The following SLC25A13 variants were observed in gnomAD, a reference collection of about 807,000 sequenced individuals.
The protein encoded by SLC25A13 is electrogenic aspartate/glutamate antiporter SLC25A13, mitochondrial.
In SLC25A13, 70 loss-of-function variants were observed where a neutral mutation model predicts 85.5. That is an observed-to-expected ratio of 0.82 (90% CI 0.68 to 1.00). SLC25A13 has a LOEUF of 1.00. Ranked by LOEUF, SLC25A13 falls within the 50% of genes least tolerant of loss-of-function variation. SLC25A13 has a pLI of 0.00. For missense variants in SLC25A13, 765 were observed against 819.8 expected, an observed-to-expected ratio of 0.93 and a Z score of 0.82; for synonymous variants, 259 against 288.7, an observed-to-expected ratio of 0.90 and a Z score of 1.04.
chr7:96,201,510 T>A (rs796343438), intron 5 of SLC25A13, among the ~76,000 whole-genome samples: 1,515 of 25,124 alleles, frequency 0.06, 30 homozygotes, highest in African/African-American at 0.13. Context: ...AGACTCTGTC[T>A]CAAAAAAAAA....
At chr7:96,144,169 G>A (rs1394961135) in intron 14 of SLC25A13, among the ~76,000 whole-genome samples, 1 of 152,184 alleles carries the variant, frequency 6.6e-6, no homozygotes, top group Non-Finnish European at 1.5e-5. Context: ...CCACGTAAAG[G>A]TGAAGTGGGG....
intron 1 of SLC25A13, among the ~76,000 whole-genome samples, chr7:96,308,606 T>G (rs1400815274): frequency 6.6e-6 from 1 of 152,158 alleles, no homozygotes; most frequent in Non-Finnish European, 1.5e-5. Context: ...CAAAAAGTAC[T>G]AGAAAAACGC....
chr7:96,177,066 G>A (rs1794250016), intron 11 of SLC25A13, among the ~76,000 whole-genome samples: 1 of 152,128 alleles, frequency 6.6e-6, no homozygotes, highest in African/African-American at 2.4e-5. Flanking sequence ...TACCTCATAT[G>A]TTATGTATTC....
chr7:96,139,442 G>A (rs188280970), intron 14 of SLC25A13, among the ~76,000 whole-genome samples: 1 of 151,892 alleles, frequency 6.6e-6, no homozygotes, highest in African/African-American at 2.4e-5. Context: ...AGAGATTATG[G>A]ACATTACATG....
Position 96,120,678 on chromosome 7 carries a change from C to A in SLC25A13, c.*513G>T, listed in dbSNP as rs1172031369. Reference sequence around the variant, plus strand: ...TCACATAAAAGCTTCATAATATAATCCAGAGACAGAATTTGTGCATGCTTA... The same window carrying A: ...TCACATAAAAGCTTCATAATATAATACAGAGACAGAATTTGTGCATGCTTA... On this transcript the variant is annotated 3_prime_UTR_variant, in exon 18 of 18. Transcript: ENST00000265631. The A allele has an allele frequency of 1.5e-5, 7 of 454,478 alleles. No homozygotes were observed. The highest frequency in any genetic ancestry group is 1.1e-4 in the South Asian group (7 of 64,438). The allele number at this position is 454,478 out of a possible 1,614,324, so 28.2% of individuals were successfully genotyped here. A position where few individuals can be genotyped will look rare whatever the true frequency, so the allele number is the denominator to read the frequency against.
At chr7:96,213,729 A>C (rs1384179413) in intron 4 of SLC25A13, among the ~76,000 whole-genome samples, 1 of 152,204 alleles carries the variant, frequency 6.6e-6, no homozygotes, top group African/African-American at 2.4e-5. Context: ...TGTAAAAATA[A>C]TTAGAATTAG....
chr7:96,305,696 C>A (rs1329855313), intron 1 of SLC25A13, among the ~76,000 whole-genome samples: 1 of 152,152 alleles, frequency 6.6e-6, no homozygotes, highest in African/African-American at 2.4e-5. Context: ...TAGGAGATCA[C>A]AAGTTGCTGA....
intron 2 of SLC25A13, among the ~76,000 whole-genome samples, chr7:96,279,683 C>G (rs186459176): frequency 6.6e-6 from 1 of 152,262 alleles, no homozygotes; most frequent in East Asian, 1.9e-4. Flanking sequence ...CACAGCCAAG[C>G]CATATCACCA....
chr7:96,121,657 TC>T lies in SLC25A13; in HGVS notation c.1838del (p.Gly613GlufsTer2). On this transcript the variant is annotated frameshift_variant, in exon 17 of 18. Transcript: ENST00000265631. LOFTEE classifies it high-confidence loss of function. ...AGCAGATTTAGCATGATACTTACACTCCTCCAAAATCAATGTAGAACCATCG... is the reference window on the plus strand; with the variant it reads ...AGCAGATTTAGCATGATACTTACACTCTCCAAAATCAATGTAGAACCATCG... Reference protein sequence around the residue: ...LQRWFYIDFGGVKPMGSEPVP... With the variant: ...LQRWFYIDFGXVKPMGSEPVP... The T allele has an allele frequency of 6.2e-7, 1 of 1,614,006 alleles. No individual in the cohort carries two copies.
At chr7:96,173,852 T>C (rs924383290) in intron 11 of SLC25A13, among the ~76,000 whole-genome samples, 3 of 152,158 alleles carry the variant, frequency 2.0e-5, no homozygotes, top group Admixed American at 6.5e-5. Context: ...CTACCAAAAA[T>C]AGAGCTGGCC....
At chr7:96,226,159 CG>C (rs1796322105) in intron 4 of SLC25A13, among the ~76,000 whole-genome samples, 1 of 151,874 alleles carries the variant, frequency 6.6e-6, no homozygotes, top group Admixed American at 6.6e-5. Context: ...AACTTTATGC[CG>C]GCTGATTAGT....
At chr7:96,150,453 A>G (rs1792988686) in intron 13 of SLC25A13, among the ~76,000 whole-genome samples, 1 of 152,210 alleles carries the variant, frequency 6.6e-6, no homozygotes, top group African/African-American at 2.4e-5. Context: ...AGGAAATTGA[A>G]GCACAGAAAG....
intron 1 of SLC25A13, among the ~76,000 whole-genome samples, chr7:96,299,015 A>T (rs1179158731): frequency 6.6e-6 from 1 of 152,154 alleles, no homozygotes; most frequent in Non-Finnish European, 1.5e-5. Context: ...AGTACATAAC[A>T]CTTTTTTCAA....
intron 2 of SLC25A13, among the ~76,000 whole-genome samples, chr7:96,292,514 G>C (rs892052777): frequency 6.6e-6 from 1 of 152,196 alleles, no homozygotes; most frequent in Non-Finnish European, 1.5e-5. Context: ...TGACATGATT[G>C]TATATTTAGA....
At chr7:96,314,979 C>T (rs1234981960) in intron 1 of SLC25A13, among the ~76,000 whole-genome samples, 1 of 152,178 alleles carries the variant, frequency 6.6e-6, no homozygotes, top group African/African-American at 2.4e-5. Flanking sequence ...ACCAGGTTTG[C>T]TCTTTGTAAT....
At chr7:96,263,982 C>G (rs1797950671) in intron 3 of SLC25A13, among the ~76,000 whole-genome samples, 1 of 152,170 alleles carries the variant, frequency 6.6e-6, no homozygotes, top group South Asian at 2.1e-4. Flanking sequence ...ATTCATTAAG[C>G]ATGTCACCTT....
rs186451354 is a variant in SLC25A13 at position 96,246,513 on chromosome 7, C to T, written c.213-11596G>A. Among the ~76,000 whole-genome samples, 84 of 152,144 alleles carry T rather than the reference C, an allele frequency of 5.5e-4. 1 individual carries two copies. Among genetic ancestry groups the T allele is most frequent in the East Asian group, 1.9e-4 (1 of 5,182 alleles). ...GAACATGCTATTTTCTTGCATCTGC[C>T]GTTGATCAATTCCTAGTTTGTCACT... On this transcript the variant is annotated intron_variant, in intron 3 of 17. Coordinates refer to ENST00000265631, the MANE Select transcript of SLC25A13 (RefSeq NM_014251.3).
At chr7:96,127,621 G>A (rs1019198445) in intron 15 of SLC25A13, among the ~76,000 whole-genome samples, 9 of 152,132 alleles carry the variant, frequency 5.9e-5, no homozygotes, top group South Asian at 2.1e-4. Context: ...CATAGAAAGC[G>A]TGGTCATATT....
intron 3 of SLC25A13, among the ~76,000 whole-genome samples, chr7:96,275,996 G>C (rs1798435712): frequency 6.6e-6 from 1 of 152,196 alleles, no homozygotes; most frequent in African/African-American, 2.4e-5. Flanking sequence ...TCAAACTGCT[G>C]CATGTGGGAA....
Sources: gnomAD v4.1 joint callset for allele counts (sites outside exome capture counted in the v4.1 genomes callset) on GRCh38, gnomAD v4.1.1 for gene constraint, MANE v1.5 for transcripts, NCBI Gene and HGNC (gene_info 2026-07-23, HGNC 2026-07-21) for gene names.